The following ACO1 variants were observed in gnomAD, a reference collection of about 807,000 sequenced individuals.
The protein encoded by ACO1 is cytoplasmic aconitate hydratase.
In ACO1, 78 loss-of-function variants were observed where a neutral mutation model predicts 105.1. That is an observed-to-expected ratio of 0.74 (90% confidence interval 0.62 to 0.90). The LOEUF is 0.90. ACO1 is among the 40% of genes least tolerant of loss of function. The probability of loss-of-function intolerance (pLI) is 0.00; values close to 1 mark genes in which losing one functional copy is unlikely to be tolerated. For synonymous variants in ACO1, 364 were observed against 397.4 expected (o/e 0.92, Z 1.00); for missense variants, 965 against 1,111.1 (o/e 0.87, Z 1.87).
At chr9:32,430,258 C>T (rs761309764) in intron 13 of ACO1, among the ~76,000 whole-genome samples, 160 bp from the exon 14 acceptor site, 2 of 152,162 alleles carry the variant, frequency 1.3e-5, no homozygotes, top group African/African-American at 2.4e-5. Context: ...CCCATGGGGA[C>T]ACCCCAGTGT....
At chr9:32,389,161 T>C (rs1232705981) in intron 1 of ACO1, among the ~76,000 whole-genome samples, 1 of 152,208 alleles carries the variant, frequency 6.6e-6, no homozygotes, top group Non-Finnish European at 1.5e-5. Flanking sequence ...AAAAGCATGT[T>C]ACACAGCAGT....
intron 19 of ACO1, among the ~76,000 whole-genome samples, chr9:32,446,638 C>T (rs1245314276): frequency 3.9e-5 from 6 of 152,182 alleles, no homozygotes; most frequent in Non-Finnish European, 5.9e-5. Flanking sequence ...ATGCTGTTAG[C>T]TGGTTATTTT....
chr9:32,388,836 A>G (rs1051146401), intron 1 of ACO1, among the ~76,000 whole-genome samples: 4 of 152,236 alleles, frequency 2.6e-5, no homozygotes, highest in African/African-American at 9.6e-5. Context: ...CTTTTACAAC[A>G]TAGTAAACCT....
chr9:32,443,071 T>A lies in ACO1; in HGVS notation c.2370+2484T>A, dbSNP rs7046460. ...TACAAAGTCTTTTGTTTATTTTTGT[T>A]TTTTTAACAATCACCGGCTCAAGAA... On this transcript the variant is annotated intron_variant, in intron 19 of 20. Coordinates refer to ENST00000309951, the MANE Select transcript of ACO1 (RefSeq NM_002197.3). Among the ~76,000 whole-genome samples, 431 of 152,306 alleles carry A rather than the reference T, an allele frequency of 2.8e-3. 1 individual carries two copies. Among genetic ancestry groups the A allele is most frequent in the African/African-American group, 9.7e-3 (404 of 41,566 alleles).
chr9:32,420,439 T>C (rs970419335), intron 7 of ACO1, among the ~76,000 whole-genome samples: 2 of 152,240 alleles, frequency 1.3e-5, no homozygotes. Context: ...ACTTTGTCTT[T>C]CTTTTTATAA....
chr9:32,433,616 A>G lies in ACO1; in HGVS notation c.1852-112A>G, dbSNP rs1383396289. 7.9e-6 allele frequency: 6 copies of G among 761,642 alleles called. No individual in the cohort carries two copies. The African/African-American group carries it at 8.8e-5, about 11-fold the overall frequency. The allele number at this position is 761,642 out of a possible 1,614,324, so 47.2% of individuals were successfully genotyped here. Reference sequence around the variant, plus strand: ...GAACTCTTGTATGTGGCTATTGAGAATAAAAATGGTTCTTAGTGTACCTTT... The same window carrying G: ...GAACTCTTGTATGTGGCTATTGAGAGTAAAAATGGTTCTTAGTGTACCTTT... On this transcript the variant is annotated intron_variant, in intron 15 of 20. Transcript: ENST00000309951.
intron 18 of ACO1, among the ~76,000 whole-genome samples, chr9:32,436,762 A>C (rs1351469354): frequency 6.6e-6 from 1 of 152,214 alleles, no homozygotes; most frequent in Non-Finnish European, 1.5e-5. Flanking sequence ...TCTAATCCAC[A>C]TGAAAAGAAG....
intron 1 of ACO1, among the ~76,000 whole-genome samples, chr9:32,388,563 TA>T (rs1165982246): frequency 2.6e-5 from 4 of 152,202 alleles, no homozygotes; most frequent in Admixed American, 2.6e-4. Context: ...ATGTATATGA[TA>T]CATTGTAGAG....
Position 32,452,379 on chromosome 9 carries a change from A to AAGAT in ACO1, c.*2270_*2273dup, listed in dbSNP as rs1162892574. 4 of 152,230 alleles carry AAGAT rather than the reference A, an allele frequency of 2.6e-5. No individual in the cohort carries two copies. The highest frequency in any genetic ancestry group is 9.6e-5 in the African/African-American group (4 of 41,470). 9.4% of individuals were successfully genotyped at this position (152,230 alleles called of 1,614,324 possible). ...GGGTAGTGCCTTTTAAAAGAGACTC[A>AAGAT]AGATAAGATAGAGACCCCCTCATTT... is the stretch of plus-strand genomic sequence containing the variant. On this transcript the variant is annotated 3_prime_UTR_variant, in exon 21 of 21. Coordinates refer to ENST00000309951, the MANE Select transcript of ACO1 (RefSeq NM_002197.3).
In ACO1 at chr9:32,427,389, C is replaced by G. The variant is rs1343534280; in HGVS notation, c.1437C>G (p.Thr479=). 1 of 1,614,190 alleles carries G rather than the reference C, an allele frequency of 6.2e-7. No homozygotes were observed. The change falls in exon 12 of 21, where the codon ACC becomes ACG. Residue 479 remains threonine, a synonymous_variant. Transcript: ENST00000309951. ...TSLSPGSGVV[T]YYLQESGVMP... ...TGTCTCCTGGGAGTGGCGTGGTCAC[C>G]TACTACCTACAAGAAAGCGGAGTCA... is the stretch of plus-strand genomic sequence containing the variant.
At position 32,433,166 on chromosome 9, in the gene ACO1, GATGTGA is replaced by G. The variant is rs1362162316; in HGVS notation, c.1852-559_1852-554del. Among the ~76,000 whole-genome samples the G allele has an allele frequency of 3.9e-5, 6 of 152,256 alleles. No homozygotes were observed. In the East Asian group the frequency reaches 9.6e-4, roughly 24 times the overall value. ...ACTCAACAGGAGGGGGTCAACTAAG[GATGTGA>G]ATCCCAGGAGGCAGGATCCCTCCTG... On this transcript the variant is annotated intron_variant, in intron 15 of 20. Coordinates refer to ENST00000309951, the MANE Select transcript of ACO1 (RefSeq NM_002197.3).
chr9:32,440,318 A>G (rs1199678581), intron 18 of ACO1, 147 bp from the exon 19 acceptor site: 1 of 797,884 alleles, frequency 1.3e-6, no homozygotes, highest in Non-Finnish European at 2.0e-6. Flanking sequence ...TAAAAAGATC[A>G]AGATAATTGG....
chr9:32,428,033 G>A (rs1822138503), intron 12 of ACO1, among the ~76,000 whole-genome samples: 1 of 151,846 alleles, frequency 6.6e-6, no homozygotes, highest in African/African-American at 2.4e-5. Flanking sequence ...TCAGTGCTTT[G>A]GGAGGCCAGG....
chr9:32,440,512 C>G lies in ACO1; in HGVS notation c.2295C>G (p.Pro765=), dbSNP rs1276463731. 3 of 1,614,022 alleles carry G rather than the reference C, an allele frequency of 1.9e-6. No individual in the cohort carries two copies. The East Asian group carries it at 6.7e-5, about 36-fold the overall frequency. Residue 765 remains proline (P), a synonymous_variant, in exon 19 of 21, where the codon CCC becomes CCG. Coordinates refer to ENST00000309951, the MANE Select transcript of ACO1 (RefSeq NM_002197.3). ...AGCGGTACCAGCAGGCAGGCCTTCC[C>G]CTGATCGTTCTGGCTGGCAAAGAGT... ...AAERYQQAGL[P]LIVLAGKEYG...
chr9:32,389,706 A>T (rs1821227019), intron 1 of ACO1, among the ~76,000 whole-genome samples: 1 of 150,378 alleles, frequency 6.6e-6, no homozygotes, highest in Non-Finnish European at 1.5e-5. Context: ...TTTTTAATGG[A>T]AAATCTCAGA....
chr9:32,423,469 C>T lies in ACO1; in HGVS notation c.1071+50C>T, dbSNP rs778375905. ...ATGTATTTCCTCTTCCTCAAGGCTGCGATTTTAGTGGTGGTTTTTCTTGGG... is the reference window on the plus strand; with the variant it reads ...ATGTATTTCCTCTTCCTCAAGGCTGTGATTTTAGTGGTGGTTTTTCTTGGG... On this transcript the variant is annotated intron_variant, in intron 9 of 20. Coordinates refer to ENST00000309951, the MANE Select transcript of ACO1 (RefSeq NM_002197.3). 43 of 1,265,742 alleles carry T rather than the reference C, an allele frequency of 3.4e-5. No individual in the cohort carries two copies. The Admixed American group carries it at 8.5e-4, about 25-fold the overall frequency. 78.4% of individuals were successfully genotyped at this position (1,265,742 alleles called of 1,614,324 possible). A position where few individuals can be genotyped will look rare whatever the true frequency, so the allele number is the denominator to read the frequency against.
At chr9:32,434,912 G>C (rs1822322421) in intron 17 of ACO1, among the ~76,000 whole-genome samples, 1 of 152,170 alleles carries the variant, frequency 6.6e-6, no homozygotes, top group Non-Finnish European at 1.5e-5. Flanking sequence ...CCTAACAAGG[G>C]GAAGGGGAGA....
chr9:32,391,366 A>T (rs540257913), intron 1 of ACO1, among the ~76,000 whole-genome samples: 1 of 152,258 alleles, frequency 6.6e-6, no homozygotes, highest in African/African-American at 2.4e-5. Context: ...GCATCTAAGC[A>T]TGTCTTTGGG....
intron 1 of ACO1, among the ~76,000 whole-genome samples, chr9:32,405,219 CA>C: frequency 6.6e-6 from 1 of 152,336 alleles, no homozygotes; most frequent in African/African-American, 2.4e-5. Flanking sequence ...CCTGCACTAG[CA>C]ATCCAGGAAG....
Sources: allele counts gnomAD v4.1 joint callset (sites outside exome capture counted in the v4.1 genomes callset), GRCh38; gene constraint gnomAD v4.1.1; transcripts MANE v1.5; gene names NCBI Gene and HGNC (gene_info 2026-07-23, HGNC 2026-07-21).